SUCLG1: variants seen among roughly 807,000 people sequenced by gnomAD.
The protein encoded by SUCLG1 is succinate--CoA ligase [ADP/GDP-forming] subunit alpha, mitochondrial.
SUCLG1 carries 26 observed loss-of-function variants against 37.3 expected under a neutral mutation model. The ratio of observed to expected loss-of-function variants is 0.70; its 90% CI spans 0.51 to 0.97. The LOEUF is 0.97. Ranked by LOEUF, SUCLG1 falls within the 50% of genes least tolerant of loss-of-function variation. The pLI, the probability that SUCLG1 is intolerant of heterozygous loss-of-function variation, is 0.00. For missense variants in SUCLG1, 433 were observed against 432.9 expected (o/e 1.00, Z 0.00); for synonymous variants, 163 against 155.6 (o/e 1.05, Z -0.36).
At chr2:84,453,659 C>T (rs1425104405) in intron 1 of SUCLG1, among the ~76,000 whole-genome samples, 5 of 152,128 alleles carry the variant, frequency 3.3e-5, no homozygotes, top group Non-Finnish European at 7.4e-5. Context: ...TCAAGTGATC[C>T]GCCTGCCTTG....
At chr2:84,452,369 A>G (rs1315573800) in intron 1 of SUCLG1, among the ~76,000 whole-genome samples, 1 of 152,192 alleles carries the variant, frequency 6.6e-6, no homozygotes, top group Non-Finnish European at 1.5e-5. Flanking sequence ...CATCTTGCAA[A>G]TATCTCTTAC....
chr2:84,439,651 A>C (rs1297399330), intron 5 of SUCLG1, among the ~76,000 whole-genome samples: 2 of 152,230 alleles, frequency 1.3e-5, no homozygotes, highest in Non-Finnish European at 2.9e-5. Context: ...GCCGACACCC[A>C]CTGTGACAAT....
chr2:84,440,571 A>G (rs1209369864), intron 5 of SUCLG1, among the ~76,000 whole-genome samples: 1 of 152,232 alleles, frequency 6.6e-6, no homozygotes, highest in Non-Finnish European at 1.5e-5. Context: ...TTTGCCCAAG[A>G]GAAACGAAAA....
chr2:84,441,572 G>T, intron 3 of SUCLG1, 113 bp from the exon 4 acceptor site: 1 of 1,169,504 alleles, frequency 8.6e-7, no homozygotes. Context: ...ACACTACCCA[G>T]AGACATAGCA....
intron 7 of SUCLG1, chr2:84,426,802 T>C (rs2104238376): frequency 1.3e-5 from 2 of 152,282 alleles, no homozygotes; most frequent in Non-Finnish European, 2.9e-5. Flanking sequence ...AAGGCAGAAC[T>C]TGAGCACAAG....
chr2:84,426,905 G>A (rs1672543186), intron 7 of SUCLG1: 1 of 152,532 alleles, frequency 6.6e-6, no homozygotes, highest in Non-Finnish European at 1.5e-5. Context: ...ATACTTAAAA[G>A]AATTATTGAC....
chr2:84,432,940 C>T, intron 6 of SUCLG1: 1 of 242,852 alleles, frequency 4.1e-6, no homozygotes, highest in South Asian at 5.2e-5. Context: ...GTACAATTTT[C>T]CAGCTCAGAG....
At chr2:84,459,037 G>A in intron 1 of SUCLG1, 136 bp downstream of exon 1, 3 of 881,256 alleles carry the variant, frequency 3.4e-6, no homozygotes, top group Non-Finnish European at 5.0e-6. Context: ...CCGACTCGAA[G>A]CCGGAATCCC....
Position 84,449,635 on chromosome 2 carries a change from C to A in SUCLG1, c.201+14G>T, listed in dbSNP as rs183747559. On this transcript the variant is annotated intron_variant, in intron 2 of 8. Coordinates refer to ENST00000393868, the MANE Select transcript of SUCLG1 (RefSeq NM_003849.4). The stretch of plus-strand genomic sequence containing the variant: ...CTAGTCTACATTTGAAAATAAAAAT[C>A]TAGATATACATACCTGTTTGCCAGT... The A allele has an allele frequency of 7.3e-6, 11 of 1,510,864 alleles. No individual in the cohort carries two copies. The highest frequency in any genetic ancestry group is 1.0e-5 in the Non-Finnish European group (11 of 1,101,614). 93.6% of individuals were successfully genotyped at this position (1,510,864 alleles called of 1,614,324 possible).
chr2:84,443,924 C>T (rs1383281125), intron 2 of SUCLG1, among the ~76,000 whole-genome samples: 1 of 152,186 alleles, frequency 6.6e-6, no homozygotes, highest in Non-Finnish European at 1.5e-5. Flanking sequence ...ACCCACCAAC[C>T]TGTATTTCTC....
intron 1 of SUCLG1, among the ~76,000 whole-genome samples, chr2:84,457,561 C>T (rs909115704): frequency 4.6e-5 from 7 of 152,162 alleles, no homozygotes; most frequent in Non-Finnish European, 1.0e-4. Context: ...TTCCTTTATT[C>T]TCTAGATTTT....
chr2:84,434,895 A>G (rs570121552), intron 5 of SUCLG1, among the ~76,000 whole-genome samples: 1 of 152,258 alleles, frequency 6.6e-6, no homozygotes, highest in Non-Finnish European at 1.5e-5. Flanking sequence ...CAGGTTCTAC[A>G]TACCAAATTC....
At chr2:84,448,807 T>C (rs1407174662) in intron 2 of SUCLG1, 1 of 188,030 alleles carries the variant, frequency 5.3e-6, no homozygotes, top group African/African-American at 2.4e-5. Flanking sequence ...ATTGTATATA[T>C]ATTATATGCT....
chr2:84,438,180 G>A (rs1167887560), intron 5 of SUCLG1, among the ~76,000 whole-genome samples: 2 of 152,184 alleles, frequency 1.3e-5, no homozygotes, highest in African/African-American at 4.8e-5. Context: ...TTATACTACA[G>A]TTTTGCAAGA....
intron 5 of SUCLG1, among the ~76,000 whole-genome samples, chr2:84,438,088 A>G (rs1218060284): frequency 6.6e-6 from 1 of 152,216 alleles, no homozygotes; most frequent in Non-Finnish European, 1.5e-5. Flanking sequence ...CGTGACTAGA[A>G]AAGGGTAACA....
rs1248682323 is a variant in SUCLG1, at chr2:84,425,573, T to C, written c.856A>G (p.Ile286Val). ...GPNSKPVVSF[I>V]AGLTAPPGRR... The stretch of plus-strand genomic sequence containing the variant: ...CCAGGAGGAGCAGTTAAACCAGCAA[T>C]GAAGGACACTACAGGCTTGGAATTT... Residue 286 changes from isoleucine to valine, a missense_variant, in exon 8 of 9, where the codon ATT (isoleucine) becomes GTT (valine). Ile to Val is a conservative substitution (Grantham distance 29, BLOSUM62 3). Coordinates refer to ENST00000393868, the MANE Select transcript of SUCLG1 (RefSeq NM_003849.4). The C allele has an allele frequency of 1.2e-6, 2 of 1,614,084 alleles. No individual in the cohort carries two copies. Among genetic ancestry groups the C allele is most frequent in the Non-Finnish European group, 1.7e-6 (2 of 1,180,040 alleles).
At chr2:84,425,349 T>C in intron 8 of SUCLG1, 66 bp downstream of exon 8, 1 of 1,583,960 alleles carries the variant, frequency 6.3e-7, no homozygotes, top group Admixed American at 1.7e-5. Context: ...TTTCCAGGTA[T>C]CCAGTGTGGC....
chr2:84,449,624 A>G, intron 2 of SUCLG1, 25 bp downstream of exon 2: 1 of 1,452,502 alleles, frequency 6.9e-7, no homozygotes, highest in South Asian at 1.2e-5. Context: ...TCTACATTTG[A>G]AAATAAAAAT....
At chr2:84,450,694 A>T (rs1672926499) in intron 1 of SUCLG1, among the ~76,000 whole-genome samples, 1 of 152,178 alleles carries the variant, frequency 6.6e-6, no homozygotes, top group Non-Finnish European at 1.5e-5. Context: ...AGTAATCTCT[A>T]TTGAACAACA....
Sources: gnomAD v4.1 joint callset for allele counts (sites outside exome capture counted in the v4.1 genomes callset) on GRCh38, gnomAD v4.1.1 for gene constraint, MANE v1.5 for transcripts, NCBI Gene and HGNC (gene_info 2026-07-23, HGNC 2026-07-21) for gene names.